RIMS2: variants seen among roughly 807,000 people sequenced by gnomAD.
The protein encoded by RIMS2 is regulating synaptic membrane exocytosis protein 2.
In RIMS2, 59 loss-of-function variants were observed where a neutral mutation model predicts 174.4. That is an observed-to-expected ratio of 0.34 (90% CI 0.27 to 0.42). The LOEUF is 0.42. RIMS2 is among the 10% of genes least tolerant of loss of function. The pLI, the probability that RIMS2 is intolerant of heterozygous loss-of-function variation, is 1.00. For missense variants in RIMS2, 1,620 were observed against 1,666.3 expected (o/e 0.97, Z 0.48); for synonymous variants, 606 against 572.5 (o/e 1.06, Z -0.84).
exon 7 of RIMS2, chr8:103,915,589 G>C: frequency 6.5e-7 from 1 of 1,548,256 alleles, no homozygotes; most frequent in Non-Finnish European, 8.9e-7. Flanking sequence ...GGACATCTTA[G>C]ACCAGGTAGG....
intron 1 of RIMS2, among the ~76,000 whole-genome samples, chr8:103,676,852 C>T (rs187027324): frequency 5.9e-5 from 9 of 152,018 alleles, no homozygotes; most frequent in South Asian, 2.1e-4. Context: ...GGCATGGTGG[C>T]GCATGCCTGT....
chr8:103,520,639 T>G (rs1388066729), intron 1 of RIMS2, among the ~76,000 whole-genome samples: 2 of 152,122 alleles, frequency 1.3e-5, no homozygotes, highest in Non-Finnish European at 2.9e-5. Context: ...AATTTAAAAA[T>G]AGTTTAAAAA....
chr8:103,681,557 T>C (rs2096880819), intron 1 of RIMS2, among the ~76,000 whole-genome samples: 1 of 151,852 alleles, frequency 6.6e-6, no homozygotes, highest in Non-Finnish European at 1.5e-5. Context: ...TACATAGCAA[T>C]CCATTCATTC....
chr8:103,838,897 C>T (rs1474393377), intron 3 of RIMS2, among the ~76,000 whole-genome samples: 1 of 152,250 alleles, frequency 6.6e-6, no homozygotes, highest in South Asian at 2.1e-4. Flanking sequence ...AACCCCGTCT[C>T]TACTAAAAAT....
intron 19 of RIMS2, among the ~76,000 whole-genome samples, chr8:104,157,054 G>A (rs1471711906): frequency 6.6e-6 from 1 of 151,956 alleles, no homozygotes. Flanking sequence ...ACTAAATTTA[G>A]GCATATTTCT....
intron 3 of RIMS2, among the ~76,000 whole-genome samples, chr8:103,789,122 G>T (rs1044339962): frequency 6.6e-6 from 1 of 152,194 alleles, no homozygotes; most frequent in South Asian, 2.1e-4. Context: ...GCCTCGCCCT[G>T]CTTCGGCTCG....
At position 103,975,036 on chromosome 8, in the gene RIMS2, G is replaced by A. The variant is rs549205315; in HGVS notation, c.2771-314G>A. On this transcript the variant is annotated intron_variant, in intron 15 of 23. Coordinates refer to ENST00000504942, the Ensembl canonical transcript of RIMS2. ...CATTGAAGAGATGAAAATATTTTTA[G>A]AATAAATTTGAGTCTTCTATTGGAG... 3.9e-5 allele frequency among the ~76,000 whole-genome samples: 6 copies of A among 152,204 alleles called. No individual in the cohort carries two copies. In the East Asian group the frequency reaches 1.2e-3, roughly 29 times the overall value.
intron 12 of RIMS2, 132 bp downstream of exon 14, chr8:103,931,525 G>A (rs560725633): frequency 2.1e-5 from 11 of 525,706 alleles, no homozygotes; most frequent in African/African-American, 4.0e-5. Flanking sequence ...TAAACGTGAT[G>A]TTCTTAGGAA....
intron 10 of RIMS2, among the ~76,000 whole-genome samples, chr8:103,924,978 C>T (rs1425821327): frequency 2.6e-5 from 4 of 151,584 alleles, no homozygotes; most frequent in Non-Finnish European, 5.9e-5. Context: ...TCACTGACAG[C>T]ACTCCCTTAT....
chr8:103,833,028 T>A (rs1343136336), intron 3 of RIMS2, among the ~76,000 whole-genome samples: 1 of 152,240 alleles, frequency 6.6e-6, no homozygotes, highest in Non-Finnish European at 1.5e-5. Flanking sequence ...GTAATATTAC[T>A]TGAAATGCAG....
chr8:104,167,686 C>G (rs970502833), intron 19 of RIMS2, among the ~76,000 whole-genome samples: 1 of 151,970 alleles, frequency 6.6e-6, no homozygotes, highest in African/African-American at 2.4e-5. Flanking sequence ...TAACTGGGTC[C>G]CACCTATTTA....
intron 19 of RIMS2, among the ~76,000 whole-genome samples, chr8:104,203,062 A>G (rs565219904): frequency 1.5e-4 from 23 of 152,160 alleles, no homozygotes; most frequent in Non-Finnish European, 2.8e-4. Context: ...GTACTTTCTC[A>G]AGACATTTTC....
intron 19 of RIMS2, among the ~76,000 whole-genome samples, chr8:104,143,542 A>G: frequency 6.6e-6 from 1 of 152,204 alleles, no homozygotes; most frequent in South Asian, 2.1e-4. Context: ...GAAGCACAAC[A>G]GTAGGAAGAA....
At chr8:103,694,255 T>C (rs2137174753) in intron 1 of RIMS2, among the ~76,000 whole-genome samples, 1 of 152,278 alleles carries the variant, frequency 6.6e-6, no homozygotes, top group Non-Finnish European at 1.5e-5. Context: ...TGTGTTGGGC[T>C]GATGCTTGCA....
intron 16 of RIMS2, among the ~76,000 whole-genome samples, chr8:103,985,690 C>T (rs72683123): frequency 0.13 from 19,296 of 151,824 alleles, 1,697 homozygotes; most frequent in Non-Finnish European, 0.19. Context: ...ATCATTGCAA[C>T]GTTAGCCACA....
At chr8:104,011,295 T>A (rs1362195089) in intron 17 of RIMS2, among the ~76,000 whole-genome samples, 1 of 152,166 alleles carries the variant, frequency 6.6e-6, no homozygotes, top group Admixed American at 6.6e-5. Context: ...AATTTCTACC[T>A]TCTACTGTGG....
intron 1 of RIMS2, among the ~76,000 whole-genome samples, chr8:103,633,306 C>G (rs1428412816): frequency 6.6e-6 from 1 of 151,760 alleles, no homozygotes; most frequent in Non-Finnish European, 1.5e-5. Context: ...CTCGATTTCC[C>G]AAAGTGCTGG....
At chr8:103,927,721 T>C (rs1400906475) in intron 10 of RIMS2, 1 of 690,470 alleles carries the variant, frequency 1.4e-6, no homozygotes, top group African/African-American at 1.8e-5. Flanking sequence ...AATATTGTCA[T>C]GGAAAAATTG....
chr8:103,736,050 G>T (rs1177957965), intron 2 of RIMS2, among the ~76,000 whole-genome samples: 1 of 152,010 alleles, frequency 6.6e-6, no homozygotes, highest in Non-Finnish European at 1.5e-5. Flanking sequence ...GTAATATTCT[G>T]GTTTATAACT....
Sources: gnomAD v4.1 joint callset for allele counts (sites outside exome capture counted in the v4.1 genomes callset) on GRCh38, gnomAD v4.1.1 for gene constraint, MANE v1.5 for transcripts, NCBI Gene and HGNC (gene_info 2026-07-23, HGNC 2026-07-21) for gene names.